Variants in GHR observed in about 807,000 individuals in gnomAD.
GHR encodes the protein growth hormone receptor, also known as GH receptor.
Under a neutral mutation model 67.1 loss-of-function variants are expected in GHR, and 35 were observed. That is an observed-to-expected ratio of 0.52 (90% CI 0.40 to 0.69). GHR has a LOEUF of 0.69. Among genes scored for constraint, GHR ranks in the 30% least tolerant of loss-of-function variants. The pLI, the probability that GHR is intolerant of heterozygous loss-of-function variation, is 0.00. For synonymous variants in GHR, 272 were observed against 269.1 expected (o/e 1.01, Z -0.10); for missense variants, 792 against 764.6 (o/e 1.04, Z -0.42).
At chr5:42,675,221 C>T (rs564050617) in intron 3 of GHR, among the ~76,000 whole-genome samples, 14 of 152,276 alleles carry the variant, frequency 9.2e-5, no homozygotes, top group African/African-American at 3.4e-4. Context: ...AGTTCTTCTT[C>T]AGGGTAGTAA....
chr5:42,493,223 TG>T (rs2112203499), intron 1 of GHR, among the ~76,000 whole-genome samples: 1 of 152,344 alleles, frequency 6.6e-6, no homozygotes, highest in South Asian at 2.1e-4. Context: ...GAGACCTTGC[TG>T]TGTTAAGTGA....
chr5:42,477,790 GT>G (rs1313370090), intron 1 of GHR, among the ~76,000 whole-genome samples: 1 of 152,094 alleles, frequency 6.6e-6, no homozygotes, highest in Admixed American at 6.5e-5. Context: ...TTAGCCCTTT[GT>G]CAGATGAGTA....
intron 6 of GHR, among the ~76,000 whole-genome samples, chr5:42,707,705 G>A (rs1291304013): frequency 6.6e-6 from 1 of 151,830 alleles, no homozygotes; most frequent in Non-Finnish European, 1.5e-5. Context: ...TTCTGTGTGT[G>A]TGTGTGGCTA....
intron 2 of GHR, among the ~76,000 whole-genome samples, chr5:42,590,559 C>A (rs887390403): frequency 6.6e-6 from 1 of 152,134 alleles, no homozygotes; most frequent in South Asian, 2.1e-4. Flanking sequence ...TTAAAAGCAA[C>A]CACAGATCAT....
intron 1 of GHR, among the ~76,000 whole-genome samples, chr5:42,504,604 C>A (rs535263128): frequency 2.0e-5 from 3 of 152,022 alleles, no homozygotes; most frequent in Admixed American, 6.5e-5. Context: ...ACTAAAAATA[C>A]AAAAATTAGC....
In GHR at chr5:42,449,179, G is replaced by A. The variant is rs182043681; in HGVS notation, c.-12+25224G>A. Among the ~76,000 whole-genome samples, 52 of 152,188 alleles carry A rather than the reference G, an allele frequency of 3.4e-4. 1 individual carries two copies. The highest frequency in any genetic ancestry group is 4.6e-4 in the Non-Finnish European group (31 of 68,016). The stretch of plus-strand genomic sequence containing the variant: ...TTCCAGTTCTGTGAAGAATGATGAT[G>A]GTATTTTGATGGGAATTGCATTAAA... On this transcript the variant is annotated intron_variant, in intron 1 of 9. Transcript: ENST00000230882.
chr5:42,516,482 A>G lies in GHR; in HGVS notation c.-11-49382A>G, dbSNP rs1415857713. Among the ~76,000 whole-genome samples the G allele has an allele frequency of 1.3e-5, 2 of 152,066 alleles. 1 individual carries two copies. The highest frequency in any genetic ancestry group is 4.8e-5 in the African/African-American group (2 of 41,346). On this transcript the variant is annotated intron_variant, in intron 1 of 9. Transcript: ENST00000230882. Reference sequence around the variant, plus strand: ...CCTGGGCTTCAGGGTTCCCTTTTGCAACATGACATGATTGCTGAGCTGCTT... The same window carrying G: ...CCTGGGCTTCAGGGTTCCCTTTTGCGACATGACATGATTGCTGAGCTGCTT...
intron 1 of GHR, among the ~76,000 whole-genome samples, chr5:42,552,802 T>C (rs1290874246): frequency 6.6e-6 from 1 of 152,166 alleles, no homozygotes; most frequent in Non-Finnish European, 1.5e-5. Flanking sequence ...TATTGGGTCA[T>C]GAGGGAGAGC....
intron 1 of GHR, among the ~76,000 whole-genome samples, chr5:42,427,831 G>C (rs1742919749): frequency 6.6e-6 from 1 of 152,210 alleles, no homozygotes. Flanking sequence ...AGGGGCTATA[G>C]GTGCAAGTCC....
rs1742746693 is a variant in GHR at position 42,424,318 on chromosome 5, T to C, written c.-12+363T>C. 3 of 547,138 alleles carry C rather than the reference T, an allele frequency of 5.5e-6. No homozygotes were observed. In the South Asian group the frequency reaches 6.2e-5, roughly 11 times the overall value. The allele number at this position is 547,138 out of a possible 1,614,324, so 33.9% of individuals were successfully genotyped here. A position where few individuals can be genotyped will look rare whatever the true frequency, so the allele number is the denominator to read the frequency against. ...CGCGAGTAGTGTACGTGGAGGGGTT[T>C]ACTCCGGAGACAGTTTTGTTAAAGT... On this transcript the variant is annotated intron_variant, in intron 1 of 9. Transcript: ENST00000230882. The surrounding 1 kb of genome is among the most constrained non-coding windows in gnomAD (Gnocchi z 4.1).
chr5:42,484,798 A>G (rs1182558351), intron 1 of GHR, among the ~76,000 whole-genome samples: 6 of 152,230 alleles, frequency 3.9e-5, no homozygotes, highest in Admixed American at 1.3e-4. Context: ...TTCCTTTCCT[A>G]TGCAGTTTCC....
chr5:42,679,037 T>G (rs1756708419), intron 3 of GHR, among the ~76,000 whole-genome samples: 1 of 146,122 alleles, frequency 6.8e-6, no homozygotes, highest in African/African-American at 2.5e-5. Flanking sequence ...TTATATTAAT[T>G]TATATTAACA....
chr5:42,479,013 C>A (rs562871924), intron 1 of GHR, among the ~76,000 whole-genome samples: 6 of 152,258 alleles, frequency 3.9e-5, no homozygotes, highest in African/African-American at 1.2e-4. Context: ...ATGATATTGG[C>A]TGTGAGTTTG....
chr5:42,715,853 T>C (rs1758694702), intron 8 of GHR, among the ~76,000 whole-genome samples: 1 of 152,174 alleles, frequency 6.6e-6, no homozygotes, highest in Non-Finnish European at 1.5e-5. Context: ...GCTATCCTAT[T>C]TGGGATTGGC....
At chr5:42,622,607 G>A (rs1399592277) in intron 2 of GHR, among the ~76,000 whole-genome samples, 2 of 152,108 alleles carry the variant, frequency 1.3e-5, no homozygotes, top group Non-Finnish European at 2.9e-5. Flanking sequence ...TGCTGTGTGA[G>A]GCCCTTTACA....
At chr5:42,493,232 T>C (rs1746189461) in intron 1 of GHR, among the ~76,000 whole-genome samples, 1 of 152,202 alleles carries the variant, frequency 6.6e-6, no homozygotes, top group South Asian at 2.1e-4. Context: ...CTGTGTTAAG[T>C]GAAATCTGTT....
chr5:42,481,132 C>G (rs1227354736), intron 1 of GHR, among the ~76,000 whole-genome samples: 1 of 151,778 alleles, frequency 6.6e-6, no homozygotes, highest in Non-Finnish European at 1.5e-5. Flanking sequence ...TATTTTATTT[C>G]TCCTTCACTT....
Position 42,718,774 on chromosome 5 carries a change from C to G in GHR, c.1267C>G (p.Leu423Val). ...ACAGAGGTTAAAAGGGGAAGCAGATCTCTTATGCCTTGACCAGAAGAATCA... is the reference window on the plus strand; with the variant it reads ...ACAGAGGTTAAAAGGGGAAGCAGATGTCTTATGCCTTGACCAGAAGAATCA... ...QPQRLKGEAD[L>V]LCLDQKNQNN... The change falls in exon 10 of 10, where the codon CTC (leucine) becomes GTC (valine). Residue 423 changes from leucine to valine, a missense_variant. Physicochemically the swap from Leu to Val is conservative, Grantham distance 32. Coordinates refer to ENST00000230882, the MANE Select transcript of GHR (RefSeq NM_000163.5). 6 of 1,614,126 alleles carry G rather than the reference C, an allele frequency of 3.7e-6. No homozygotes were observed. Among genetic ancestry groups the G allele is most frequent in the African/African-American group, 2.7e-5 (2 of 75,040 alleles).
At chr5:42,569,973 C>T (rs1750188303) in intron 2 of GHR, among the ~76,000 whole-genome samples, 1 of 152,140 alleles carries the variant, frequency 6.6e-6, no homozygotes, top group African/African-American at 2.4e-5. Context: ...CCTATGCACA[C>T]TGACAAAACA....
Sources: gnomAD v4.1 joint callset for allele counts (sites outside exome capture counted in the v4.1 genomes callset) on GRCh38, gnomAD v4.1.1 for gene constraint, Gnocchi (gnomAD v3.1) non-coding constraint, MANE v1.5 for transcripts, NCBI Gene and HGNC (gene_info 2026-07-23, HGNC 2026-07-21) for gene names.